MBTD1: variants seen among roughly 807,000 people sequenced by gnomAD.
The protein encoded by MBTD1 is mbt domain containing 1.
Under a neutral mutation model 87.8 loss-of-function variants are expected in MBTD1, and 24 were observed. That is an observed-to-expected ratio of 0.27 (90% CI 0.20 to 0.38). The LOEUF is 0.38. Ranked by LOEUF, MBTD1 falls within the 10% of genes least tolerant of loss-of-function variation. The pLI, the probability that MBTD1 is intolerant of heterozygous loss-of-function variation, is 1.00. For missense variants in MBTD1, 436 were observed against 760.2 expected (o/e 0.57, Z 5.02); for synonymous variants, 237 against 248.6 (o/e 0.95, Z 0.44).
At chr17:51,192,384 A>G (rs2050855559) in intron 15 of MBTD1, 104 bp from the exon 16 acceptor site, 1 of 784,636 alleles carries the variant, frequency 1.3e-6, no homozygotes, top group Non-Finnish European at 2.1e-6. Flanking sequence ...CAAGACCATT[A>G]TACTTAAGTA....
chr17:51,214,755 G>A (rs1028705715), intron 6 of MBTD1, among the ~76,000 whole-genome samples: 25 of 152,110 alleles, frequency 1.6e-4, no homozygotes, highest in Admixed American at 1.2e-3. Flanking sequence ...AGAAGAGAAG[G>A]CAGGTGTAGA....
chr17:51,228,049 T>C (rs541974551), intron 2 of MBTD1, among the ~76,000 whole-genome samples: 1 of 152,294 alleles, frequency 6.6e-6, no homozygotes, highest in African/African-American at 2.4e-5. Flanking sequence ...TATATATTTA[T>C]TCAGTTTTTA....
chr17:51,220,138 TATCC>T (rs2052804219), intron 4 of MBTD1, among the ~76,000 whole-genome samples, 188 bp downstream of exon 4: 1 of 152,252 alleles, frequency 6.6e-6, no homozygotes, highest in South Asian at 2.1e-4. Context: ...TAGTATGCCT[TATCC>T]ATTTAAAATA....
chr17:51,258,897 C>T (rs895670428), intron 2 of MBTD1, among the ~76,000 whole-genome samples: 1 of 152,214 alleles, frequency 6.6e-6, no homozygotes, highest in Non-Finnish European at 1.5e-5. Context: ...ACCCCCCTTC[C>T]TCCACTTCCC....
rs142116068 is a variant in MBTD1, at chr17:51,245,494, G to T, written c.-49+13649C>A. Among the ~76,000 whole-genome samples the T allele has an allele frequency of 9.6e-3, 1,454 of 151,660 alleles. 10 individuals carry two copies. The highest frequency in any genetic ancestry group is 0.034 in the Middle Eastern group (10 of 294). On this transcript the variant is annotated intron_variant, in intron 2 of 16. Transcript: ENST00000586178. ...AAAAATTTTCCCGTATTTTTTCCTG[G>T]TATTTGTATAGTTTTTATATTTAGA...
chr17:51,185,309 C>CTCA (rs2050486273), intron 16 of MBTD1: 1 of 152,212 alleles, frequency 6.6e-6, no homozygotes, highest in Non-Finnish European at 1.5e-5. Flanking sequence ...CTGATCTGTA[C>CTCA]TCATGCCTGA....
At chr17:51,192,563 T>C (rs1434012260) in intron 15 of MBTD1, 16 of 803,784 alleles carry the variant, frequency 2.0e-5, no homozygotes, top group Non-Finnish European at 3.0e-5. Flanking sequence ...ACTGTTGTGT[T>C]TCTATAGTCA....
intron 6 of MBTD1, among the ~76,000 whole-genome samples, chr17:51,210,661 C>G (rs762107546): frequency 6.6e-5 from 10 of 151,962 alleles, no homozygotes; most frequent in Non-Finnish European, 1.0e-4. Flanking sequence ...GAGGCTGAGG[C>G]AGGAGAATCA....
At chr17:51,226,295 T>C in intron 2 of MBTD1, among the ~76,000 whole-genome samples, 1 of 149,832 alleles carries the variant, frequency 6.7e-6, no homozygotes, top group Admixed American at 6.6e-5. Context: ...TCAGAGGAGT[T>C]TGAGGAGTTG....
rs186961382 is a variant in MBTD1 at position 51,180,555 on chromosome 17, G to A, written c.*21C>T. 154 of 1,311,396 alleles carry A rather than the reference G, an allele frequency of 1.2e-4. 1 individual carries two copies. In the Middle Eastern group the frequency reaches 3.2e-3, roughly 27 times the overall value. 81.2% of individuals were successfully genotyped at this position (1,311,396 alleles called of 1,614,324 possible). On this transcript the variant is annotated 3_prime_UTR_variant, in exon 17 of 17. Transcript: ENST00000586178. ...TCCTGTGTAAAATCCTTCCCCACCCGCCCTCAGTTTCTAAGCCACCTCATG... is the reference window on the plus strand; with the variant it reads ...TCCTGTGTAAAATCCTTCCCCACCCACCCTCAGTTTCTAAGCCACCTCATG...
intron 2 of MBTD1, among the ~76,000 whole-genome samples, chr17:51,230,966 C>T (rs1366320624): frequency 2.0e-5 from 3 of 152,138 alleles, no homozygotes; most frequent in African/African-American, 7.2e-5. Context: ...TTGAGACAGT[C>T]TTGCTCTGTT....
At chr17:51,205,594 A>T (rs2051773268) in intron 7 of MBTD1, among the ~76,000 whole-genome samples, 1 of 152,174 alleles carries the variant, frequency 6.6e-6, no homozygotes, top group Admixed American at 6.5e-5. Flanking sequence ...GAGATGGGAC[A>T]CTCTTGCAAG....
At chr17:51,213,608 G>C (rs1276632302) in intron 6 of MBTD1, among the ~76,000 whole-genome samples, 1 of 151,506 alleles carries the variant, frequency 6.6e-6, no homozygotes, top group East Asian at 1.9e-4. Context: ...GAAAATTATA[G>C]TCCAGCTACT....
chr17:51,183,986 A>T (rs1216907497), intron 16 of MBTD1: 1 of 152,242 alleles, frequency 6.6e-6, no homozygotes, highest in African/African-American at 2.4e-5. Context: ...AAAAAATGTA[A>T]GAAAGGTAAG....
At chr17:51,227,601 T>C (rs770425456) in intron 2 of MBTD1, among the ~76,000 whole-genome samples, 3 of 151,754 alleles carry the variant, frequency 2.0e-5, no homozygotes, top group Non-Finnish European at 4.4e-5. Flanking sequence ...TACTTTATCA[T>C]GTTGGAAAAG....
chr17:51,260,677 C>G, upstream of MBTD1: 2 of 1,610,818 alleles, frequency 1.2e-6, no homozygotes, highest in Non-Finnish European at 1.7e-6. Context: ...ACTGGAAAGC[C>G]GGAGCGGGGC....
chr17:51,236,963 A>C (rs567251773), intron 2 of MBTD1, among the ~76,000 whole-genome samples: 1 of 152,184 alleles, frequency 6.6e-6, no homozygotes, highest in Admixed American at 6.5e-5. Flanking sequence ...GTGTTAAGCA[A>C]GAAGTTTTTA....
intron 4 of MBTD1, among the ~76,000 whole-genome samples, chr17:51,219,904 C>T (rs2052787936): frequency 6.6e-6 from 1 of 152,026 alleles, no homozygotes; most frequent in African/African-American, 2.4e-5. Context: ...GTCAATGTAT[C>T]AAATGGATTG....
intron 7 of MBTD1, among the ~76,000 whole-genome samples, chr17:51,204,317 T>C (rs28410310): frequency 0.61 from 92,798 of 151,206 alleles, 28,924 homozygotes; most frequent in African/African-American, 0.72. Flanking sequence ...AGTGCAGTGG[T>C]GCAATCTTGC....
Sources: allele counts gnomAD v4.1 joint callset (sites outside exome capture counted in the v4.1 genomes callset), GRCh38; gene constraint gnomAD v4.1.1; transcripts MANE v1.5; gene names NCBI Gene and HGNC (gene_info 2026-07-23, HGNC 2026-07-21).